The following RAPH1 variants were observed in gnomAD, a reference collection of about 807,000 sequenced individuals.
RAPH1 encodes the protein ras-associated and pleckstrin homology domains-containing protein 1.
A neutral mutation model predicts 88.1 loss-of-function variants in RAPH1; 18 were observed. That is an observed-to-expected ratio of 0.20 (90% CI 0.14 to 0.30). The LOEUF (loss-of-function observed/expected upper bound fraction) is 0.30. RAPH1 is among the 10% of genes least tolerant of loss of function. The pLI is 1.00. For missense variants in RAPH1, 1,448 were observed against 1,543.2 expected (o/e 0.94, Z 1.03); for synonymous variants, 587 against 559.0 (o/e 1.05, Z -0.71).
chr2:203,435,097 G>GT lies in RAPH1; in HGVS notation c.*4339dup, dbSNP rs1261475599. On this transcript the variant is annotated 3_prime_UTR_variant, in exon 14 of 14. Coordinates refer to ENST00000319170, the MANE Select transcript of RAPH1 (RefSeq NM_213589.3). The stretch of plus-strand genomic sequence containing the variant: ...GAGCAAACCAACTGGAGAAATGTAT[G>GT]TTTTTTCTTTTTATTTATCAAGTTT... The GT allele has an allele frequency of 1.3e-5, 2 of 152,452 alleles. No individual in the cohort carries two copies. Among genetic ancestry groups the GT allele is most frequent in the Non-Finnish European group, 2.9e-5 (2 of 68,008 alleles). The allele number at this position is 152,452 out of a possible 1,614,324, so 9.4% of individuals were successfully genotyped here. A position where few individuals can be genotyped will look rare whatever the true frequency, so the allele number is the denominator to read the frequency against.
At chr2:203,441,613 G>A in intron 13 of RAPH1, 200 bp from the exon 14 acceptor site, 2 of 1,341,994 alleles carry the variant, frequency 1.5e-6, no homozygotes, top group Non-Finnish European at 1.9e-6. Context: ...GAAGGAAACA[G>A]AAAACTTGTT....
chr2:203,498,089 C>T (rs1440844255), intron 1 of RAPH1, among the ~76,000 whole-genome samples: 1 of 152,026 alleles, frequency 6.6e-6, no homozygotes, highest in Non-Finnish European at 1.5e-5. Flanking sequence ...TTGGAATAAC[C>T]CAGAAAATAT....
chr2:203,445,259 T>C (rs975080623), intron 12 of RAPH1: 4 of 389,632 alleles, frequency 1.0e-5, no homozygotes, highest in Non-Finnish European at 1.8e-5. Flanking sequence ...TAATAAATGA[T>C]TCACATAACA....
At chr2:203,455,703 T>C (rs1410103333) in intron 8 of RAPH1, 123 bp from the exon 9 acceptor site, 1 of 895,112 alleles carries the variant, frequency 1.1e-6, no homozygotes, top group Non-Finnish European at 1.7e-6. Flanking sequence ...AAAACCAAGC[T>C]GCTAATTTAA....
chr2:203,492,252 A>G (rs890886294), intron 2 of RAPH1, among the ~76,000 whole-genome samples: 1 of 151,358 alleles, frequency 6.6e-6, no homozygotes, highest in Non-Finnish European at 1.5e-5. Context: ...AAAAAAAAGA[A>G]ACCGCACAGA....
chr2:203,534,005 GC>G (rs1459906941), intron 1 of RAPH1, among the ~76,000 whole-genome samples: 8 of 152,132 alleles, frequency 5.3e-5, no homozygotes, highest in Non-Finnish European at 1.2e-4. Flanking sequence ...ACCACCCCAT[GC>G]TTGTTCACCT....
Position 203,440,951 on chromosome 2 carries a change from G to C in RAPH1, c.2239C>G (p.Leu747Val), listed in dbSNP as rs746642961. The change falls in exon 14 of 14, where the codon CTG becomes GTG. Residue 747 changes from leucine to valine, a missense_variant. Leu to Val is a conservative substitution (Grantham distance 32, BLOSUM62 1). Transcript: ENST00000319170. ...LPQFSAPPPPLKIHQVQHITQ... is the reference protein window; with the variant it reads ...LPQFSAPPPPVKIHQVQHITQ... ...ATATGCTGAACTTGATGGATCTTCAGTGGAGGAGGCGGGGCACTGAACTGT... is the reference window on the plus strand; with the variant it reads ...ATATGCTGAACTTGATGGATCTTCACTGGAGGAGGCGGGGCACTGAACTGT... 1.3e-6 allele frequency: 2 copies of C among 1,576,430 alleles called. No homozygotes were observed. The highest frequency in any genetic ancestry group is 2.4e-5 in the South Asian group (2 of 84,678).
At chr2:203,464,151 G>C (rs970217483) in intron 4 of RAPH1, among the ~76,000 whole-genome samples, 8 of 152,196 alleles carry the variant, frequency 5.3e-5, no homozygotes, top group Admixed American at 2.6e-4. Flanking sequence ...GAATTGCAAA[G>C]AAAGTTTACC....
intron 4 of RAPH1, among the ~76,000 whole-genome samples, chr2:203,469,031 A>G (rs796250982): frequency 5.9e-5 from 9 of 152,326 alleles, no homozygotes; most frequent in African/African-American, 2.2e-4. Flanking sequence ...GCCCAGGGAT[A>G]ATGTAGGTAA....
intron 9 of RAPH1, among the ~76,000 whole-genome samples, chr2:203,455,236 G>T (rs1184561501): frequency 6.6e-6 from 1 of 152,178 alleles, no homozygotes; most frequent in Non-Finnish European, 1.5e-5. Flanking sequence ...AGAGAACTGA[G>T]ATAGGCTCAA....
chr2:203,442,168 G>A, intron 13 of RAPH1: 1 of 1,311,694 alleles, frequency 7.6e-7, no homozygotes, highest in African/African-American at 1.5e-5. Flanking sequence ...GAAATTAAGA[G>A]GAAGCTCTGG....
chr2:203,494,363 T>C (rs975170745), intron 2 of RAPH1, among the ~76,000 whole-genome samples: 3 of 152,206 alleles, frequency 2.0e-5, no homozygotes, highest in African/African-American at 7.2e-5. Context: ...AACAGTACCC[T>C]TTTATTCTAA....
chr2:203,478,825 C>T lies in RAPH1; in HGVS notation c.732+10759G>A, dbSNP rs1262994709. On this transcript the variant is annotated intron_variant, in intron 4 of 13. Transcript: ENST00000319170. ...TTATATTCCAGTTTTATCCCTTACA[C>T]CCCACCACAGTGCCCTAGGCGCTCA... is the stretch of plus-strand genomic sequence containing the variant. 3.3e-5 allele frequency among the ~76,000 whole-genome samples: 5 copies of T among 152,144 alleles called. No individual in the cohort carries two copies. In the East Asian group the frequency reaches 9.6e-4, roughly 29 times the overall value.
At chr2:203,497,546 AATCAT>A (rs1304803830) in intron 1 of RAPH1, among the ~76,000 whole-genome samples, 1 of 152,216 alleles carries the variant, frequency 6.6e-6, no homozygotes, top group African/African-American at 2.4e-5. Flanking sequence ...AGATGCTGAA[AATCAT>A]ATCATATCTC....
rs374724921 is a variant in RAPH1, at chr2:203,489,596, C to A, written c.720G>T (p.Gln240His). 66 of 1,518,694 alleles carry A rather than the reference C, an allele frequency of 4.3e-5. No homozygotes were observed. The highest frequency in any genetic ancestry group is 5.6e-5 in the Non-Finnish European group (63 of 1,122,910). 94.1% of individuals were successfully genotyped at this position (1,518,694 alleles called of 1,614,324 possible). A position where few individuals can be genotyped will look rare whatever the true frequency, so the allele number is the denominator to read the frequency against. ...PQELDLTHQG[Q>H]PITEEEQAAK... ...TCCATTTATTTACCTCAGTAATTGGCTGCCCTTGATGTGTCAAATCCAGCT... is the reference window on the plus strand; with the variant it reads ...TCCATTTATTTACCTCAGTAATTGGATGCCCTTGATGTGTCAAATCCAGCT... The change falls in exon 4 of 14, where the codon CAG becomes CAT. Residue 240 changes from glutamine to histidine, a missense_variant. Physicochemically the swap from Gln to His is conservative, Grantham distance 24 (BLOSUM62 0). Around this residue, in one of 2 missense-constraint regions of RAPH1, gnomAD observed 513 missense variants for 653.1 expected, o/e 0.79. Coordinates refer to ENST00000319170, the MANE Select transcript of RAPH1 (RefSeq NM_213589.3).
At chr2:203,517,110 C>T (rs71426001) in intron 1 of RAPH1, among the ~76,000 whole-genome samples, 4 of 151,442 alleles carry the variant, frequency 2.6e-5, no homozygotes, top group African/African-American at 7.3e-5. Flanking sequence ...ACTCTGTTGT[C>T]TACAAGAAAC....
At chr2:203,464,702 G>C (rs2098527072) in intron 4 of RAPH1, among the ~76,000 whole-genome samples, 7 of 152,092 alleles carry the variant, frequency 4.6e-5, no homozygotes, top group Admixed American at 4.6e-4. Context: ...AAGAGAATGA[G>C]AAGACAAGGG....
Position 203,434,655 on chromosome 2 carries a change from A to AGTT in RAPH1, c.*4779_*4781dup, listed in dbSNP as rs1320808190. The AGTT allele has an allele frequency of 1.3e-5, 2 of 152,490 alleles. No homozygotes were observed. The highest frequency in any genetic ancestry group is 4.8e-5 in the African/African-American group (2 of 41,430). The allele number at this position is 152,490 out of a possible 1,614,324, so 9.4% of individuals were successfully genotyped here. The stretch of plus-strand genomic sequence containing the variant: ...GTTACAATAAATTTAACGAATGGAC[A>AGTT]GTTTGCAAAATATAAGGGTTTCTCC... On this transcript the variant is annotated 3_prime_UTR_variant, in exon 14 of 14. Transcript: ENST00000319170.
chr2:203,439,809 CCGTTTGGGT>C lies in RAPH1; in HGVS notation c.3372_3380del (p.Pro1125_Arg1127del). The C allele has an allele frequency of 6.2e-7, 1 of 1,614,086 alleles. No homozygotes were observed. Among genetic ancestry groups the C allele is most frequent in the African/African-American group, 1.3e-5 (1 of 75,026 alleles). ...CTTGAGTGAGGCGGGTGCTATCATTCCGTTTGGGTCGTGTGGGTGGAGGGGCCTTCTTCA... is the reference window on the plus strand; with the variant it reads ...CTTGAGTGAGGCGGGTGCTATCATTCCGTGTGGGTGGAGGGGCCTTCTTCA... On this transcript the variant is annotated inframe_deletion, in exon 14 of 14. Coordinates refer to ENST00000319170, the MANE Select transcript of RAPH1 (RefSeq NM_213589.3).
Sources: gnomAD v4.1 joint callset for allele counts (sites outside exome capture counted in the v4.1 genomes callset) on GRCh38, gnomAD v4.1.1 for gene constraint, gnomAD v4.1.1 regional missense constraint, MANE v1.5 for transcripts, NCBI Gene and HGNC (gene_info 2026-07-23, HGNC 2026-07-21) for gene names.